Variants in TNFSF4 observed in about 807,000 individuals in gnomAD.
TNFSF4 encodes the protein TNF superfamily member 4, also known as tumor necrosis factor ligand superfamily member 4.
Under a neutral mutation model 7.3 loss-of-function variants are expected in TNFSF4, and 4 were observed. The observed-to-expected ratio is 0.55, with a 90% CI of 0.27 to 1.25. TNFSF4 has a LOEUF of 1.25. Ranked by LOEUF, TNFSF4 falls within the 50% of genes most tolerant of loss-of-function variation. The pLI, the probability that TNFSF4 is intolerant of heterozygous loss-of-function variation, is 0.12. For synonymous variants in TNFSF4, 76 were observed against 83.7 expected, an observed-to-expected ratio of 0.91 and a Z score of 0.50; for missense variants, 181 against 208.8, an observed-to-expected ratio of 0.87 and a Z score of 0.82.
chr1:173,225,116 A>G, the TNFSF4 span, among the ~76,000 whole-genome samples: 1 of 152,188 alleles, frequency 6.6e-6, no homozygotes, highest in Non-Finnish European at 1.5e-5. Context: ...CTTGTTATCC[A>G]CAGCAACCAG....
chr1:173,319,925 C>G, the TNFSF4 span, among the ~76,000 whole-genome samples: 3,399 of 152,232 alleles, frequency 0.022, 61 homozygotes, highest in Non-Finnish European at 0.034. Flanking sequence ...GCTAAAAATT[C>G]CAAAAACCAG....
the TNFSF4 span, among the ~76,000 whole-genome samples, chr1:173,402,648 C>G: frequency 2.0e-5 from 3 of 152,188 alleles, no homozygotes; most frequent in Non-Finnish European, 4.4e-5. Context: ...AAGGTCATCA[C>G]CATGTTCAGC....
the TNFSF4 span, among the ~76,000 whole-genome samples, chr1:173,308,522 A>G: frequency 2.0e-5 from 3 of 151,694 alleles, no homozygotes; most frequent in Non-Finnish European, 4.4e-5. Context: ...AAAAAATCCT[A>G]TTTTTTGTTT....
the TNFSF4 span, among the ~76,000 whole-genome samples, chr1:173,258,827 G>A: frequency 6.6e-6 from 1 of 152,242 alleles, no homozygotes; most frequent in Non-Finnish European, 1.5e-5. Flanking sequence ...CAGCCAGGGG[G>A]TTATGGACAG....
the TNFSF4 span, among the ~76,000 whole-genome samples, chr1:173,378,886 A>T: frequency 1.6e-5 from 2 of 121,832 alleles, no homozygotes; most frequent in Non-Finnish European, 3.7e-5. Flanking sequence ...CTCCCCCCCC[A>T]CCACAGGCTA....
chr1:173,307,780 G>C, the TNFSF4 span, among the ~76,000 whole-genome samples: 1 of 151,882 alleles, frequency 6.6e-6, no homozygotes, highest in African/African-American at 2.4e-5. Context: ...GAAAGGGAGT[G>C]CAGAATATGA....
At chr1:173,387,136 A>G in the TNFSF4 span, among the ~76,000 whole-genome samples, 60 of 152,320 alleles carry the variant, frequency 3.9e-4, no homozygotes, top group African/African-American at 1.4e-3. Context: ...TTGGGATGCA[A>G]TGAAGGTATT....
At chr1:173,194,000 CT>C (rs886944505) in intron 1 of TNFSF4, among the ~76,000 whole-genome samples, 2 of 152,196 alleles carry the variant, frequency 1.3e-5, no homozygotes, top group Non-Finnish European at 2.9e-5. Context: ...CACAAAGACT[CT>C]AATTCAAAAG....
At chr1:173,363,004 G>A in the TNFSF4 span, 16 of 380,906 alleles carry the variant, frequency 4.2e-5, no homozygotes, top group East Asian at 4.9e-4. Context: ...GGGAAAATGC[G>A]GACTTGCCTT....
At chr1:173,387,893 T>C in the TNFSF4 span, among the ~76,000 whole-genome samples, 1 of 152,218 alleles carries the variant, frequency 6.6e-6, no homozygotes, top group Non-Finnish European at 1.5e-5. Context: ...CAGAGTTGAA[T>C]GAAAGTGAAG....
Position 173,184,972 on chromosome 1 carries a change from G to A in TNFSF4, c.*1544C>T, listed in dbSNP as rs1339895884. 6.6e-6 allele frequency: 1 copy of A among 152,058 alleles called. No individual in the cohort carries two copies. Among genetic ancestry groups the A allele is most frequent in the Non-Finnish European group, 1.5e-5 (1 of 68,016 alleles). The allele number at this position is 152,058 out of a possible 1,614,324, so 9.4% of individuals were successfully genotyped here. ...TCCTTCATAACAGATTAAAATAGAG[G>A]GATGGGAATATAGTTGAAGGTGTAC... On this transcript the variant is annotated 3_prime_UTR_variant, in exon 3 of 3. Coordinates refer to ENST00000281834, the MANE Select transcript of TNFSF4 (RefSeq NM_003326.5).
the TNFSF4 span, among the ~76,000 whole-genome samples, chr1:173,287,777 C>A: frequency 6.6e-6 from 1 of 151,878 alleles, no homozygotes; most frequent in Non-Finnish European, 1.5e-5. Flanking sequence ...AATCTTAAAC[C>A]ATAATGCTGA....
chr1:173,267,926 A>T, the TNFSF4 span, among the ~76,000 whole-genome samples: 1 of 134,700 alleles, frequency 7.4e-6, no homozygotes, highest in Non-Finnish European at 1.6e-5. Flanking sequence ...GAGAGGAAGT[A>T]TTCCTGTAAA....
At chr1:173,372,046 C>T in the TNFSF4 span, among the ~76,000 whole-genome samples, 60 of 152,324 alleles carry the variant, frequency 3.9e-4, no homozygotes, top group African/African-American at 1.4e-3. Context: ...TGCCAGCAGG[C>T]TACTCTAGAT....
the TNFSF4 span, among the ~76,000 whole-genome samples, chr1:173,370,036 T>A: frequency 6.6e-6 from 1 of 151,988 alleles, no homozygotes; most frequent in Non-Finnish European, 1.5e-5. Flanking sequence ...CCCTGGGCTA[T>A]CAGTTATGTC....
the TNFSF4 span, among the ~76,000 whole-genome samples, chr1:173,427,213 C>G: frequency 2.9e-3 from 449 of 152,306 alleles, 1 homozygote; most frequent in African/African-American, 1.0e-2. Flanking sequence ...AGGCTGTGGA[C>G]AGATAACCTT....
the TNFSF4 span, among the ~76,000 whole-genome samples, chr1:173,311,642 TG>T: frequency 6.6e-6 from 1 of 151,978 alleles, no homozygotes; most frequent in Non-Finnish European, 1.5e-5. Flanking sequence ...AACCACACAC[TG>T]GGGTCGTAGG....
chr1:173,203,001 G>A (rs1212688692), intron 1 of TNFSF4, among the ~76,000 whole-genome samples: 2 of 151,990 alleles, frequency 1.3e-5, no homozygotes, highest in African/African-American at 4.8e-5. Context: ...CCTTGAGCAT[G>A]TCACTCTTTT....
chr1:173,212,579 A>G, the TNFSF4 span, among the ~76,000 whole-genome samples: 1 of 139,772 alleles, frequency 7.2e-6, no homozygotes, highest in Non-Finnish European at 1.6e-5. Context: ...TAGTGGGTAC[A>G]AAAAAAAAAA....
Sources: gnomAD v4.1 joint callset for allele counts (sites outside exome capture counted in the v4.1 genomes callset) on GRCh38, gnomAD v4.1.1 for gene constraint, MANE v1.5 for transcripts, NCBI Gene and HGNC (gene_info 2026-07-23, HGNC 2026-07-21) for gene names.